The following MYBL2 variants were observed in gnomAD, a reference collection of about 807,000 sequenced individuals.
The protein encoded by MYBL2 is MYB proto-oncogene like 2.
MYBL2 carries 28 observed loss-of-function variants against 79.9 expected under a neutral mutation model. The observed-to-expected ratio is 0.35, with a 90% CI of 0.26 to 0.48. The LOEUF (loss-of-function observed/expected upper bound fraction) is 0.48, where lower values mean the gene tolerates loss of function less well. Ranked by LOEUF, MYBL2 falls within the 20% of genes least tolerant of loss-of-function variation. The pLI is 0.99. For synonymous variants in MYBL2, 378 were observed against 361.2 expected (o/e 1.05, Z -0.53); for missense variants, 735 against 893.9 (o/e 0.82, Z 2.27).
At chr20:43,671,740 GATT>G (rs1986863033) in intron 1 of MYBL2, among the ~76,000 whole-genome samples, 1 of 151,948 alleles carries the variant, frequency 6.6e-6, no homozygotes, top group Non-Finnish European at 1.5e-5. Flanking sequence ...AAAGTGCTGG[GATT>G]ACAGGTGTGA....
chr20:43,714,819 C>T (rs999144115), intron 12 of MYBL2, among the ~76,000 whole-genome samples: 1 of 152,112 alleles, frequency 6.6e-6, no homozygotes, highest in Non-Finnish European at 1.5e-5. Context: ...TTAGTAGAGA[C>T]GGGGTTTCAC....
chr20:43,700,020 T>G lies in MYBL2; in HGVS notation c.927T>G (p.Ser309=). ...LLIPAVGSSL[S]EALDLIESDP... ...TCCCTGCTGTGGGTTCTAGCCTCTC[T>G]GAAGCCCTGGACTTGATCGAGTCGG... Residue 309 remains serine (S), a synonymous_variant, in exon 7 of 14, where the codon TCT becomes TCG. Transcript: ENST00000217026. 2 of 1,614,002 alleles carry G rather than the reference T, an allele frequency of 1.2e-6. No individual in the cohort carries two copies. The highest frequency in any genetic ancestry group is 2.2e-5 in the South Asian group (2 of 91,080).
intron 2 of MYBL2, among the ~76,000 whole-genome samples, chr20:43,674,215 A>T (rs1490421868): frequency 7.8e-6 from 1 of 128,684 alleles, no homozygotes; most frequent in African/African-American, 2.9e-5. Flanking sequence ...GTTTGGCCAA[A>T]TCTGTAACTC....
At chr20:43,705,921 C>T (rs1000595578) in intron 9 of MYBL2, among the ~76,000 whole-genome samples, 24 of 150,062 alleles carry the variant, frequency 1.6e-4, no homozygotes, top group African/African-American at 4.4e-4. Flanking sequence ...AGGATGGTGT[C>T]GATCTCCTGA....
intron 4 of MYBL2, among the ~76,000 whole-genome samples, chr20:43,685,736 CAG>C (rs1286235162): frequency 1.3e-5 from 2 of 151,902 alleles, no homozygotes; most frequent in African/African-American, 2.4e-5. Flanking sequence ...GCCTGGGCGA[CAG>C]AGTGAGACAC....
intron 2 of MYBL2, 141 bp downstream of exon 2, chr20:43,674,040 C>T: frequency 4.0e-6 from 3 of 742,360 alleles, no homozygotes; most frequent in South Asian, 1.6e-5. Flanking sequence ...TGATTGTCCT[C>T]ATGCCTCTTC....
intron 1 of MYBL2, among the ~76,000 whole-genome samples, chr20:43,670,867 G>T (rs528124598): frequency 2.0e-5 from 3 of 151,996 alleles, no homozygotes; most frequent in African/African-American, 7.3e-5. Context: ...CCTGACCAAC[G>T]TGACCTGATG....
In MYBL2 at chr20:43,682,809, C is replaced by A. The variant is rs775778495; in HGVS notation, c.202C>A (p.Gln68Lys). 2 of 1,613,928 alleles carry A rather than the reference C, an allele frequency of 1.2e-6. No homozygotes were observed. Among genetic ancestry groups the A allele is most frequent in the Non-Finnish European group, 8.5e-7 (1 of 1,179,914 alleles). ...CTTTTCCCAGAACCGCACTGACCAG[C>A]AATGCCAGTACAGGTGGCTGAGAGT... ...ASHFPNRTDQ[Q>K]CQYRWLRVLN... Residue 68 changes from glutamine (Q) to lysine (K), a missense_variant, in exon 4 of 14, where the codon CAA (glutamine) becomes AAA (lysine). Coordinates refer to ENST00000217026, the MANE Select transcript of MYBL2 (RefSeq NM_002466.4).
chr20:43,703,867 G>C (rs1313838617), intron 8 of MYBL2, among the ~76,000 whole-genome samples: 1 of 152,136 alleles, frequency 6.6e-6, no homozygotes, highest in East Asian at 1.9e-4. Flanking sequence ...TTCTACTGAG[G>C]CCTCTCTCCT....
At chr20:43,686,319 G>C (rs1260643313) in intron 4 of MYBL2, among the ~76,000 whole-genome samples, 1 of 152,150 alleles carries the variant, frequency 6.6e-6, no homozygotes, top group Non-Finnish European at 1.5e-5. Context: ...ACTGAGGGCA[G>C]GTGGGGACTC....
intron 6 of MYBL2, among the ~76,000 whole-genome samples, chr20:43,695,686 CAAA>C (rs3091981): frequency 4.7e-5 from 7 of 150,254 alleles, no homozygotes; most frequent in South Asian, 2.1e-4. Flanking sequence ...ACTGTCTTTA[CAAA>C]AAAAAAAAAA....
At chr20:43,686,803 G>C in intron 4 of MYBL2, 49 bp from the exon 5 acceptor site, 3 of 1,573,388 alleles carry the variant, frequency 1.9e-6, no homozygotes, top group South Asian at 2.3e-5. Flanking sequence ...CTATGGTGGG[G>C]GCGAGAGAGG....
chr20:43,713,177 C>T (rs1987950734), intron 12 of MYBL2, 71 bp downstream of exon 12: 13 of 1,353,034 alleles, frequency 9.6e-6, no homozygotes, highest in Non-Finnish European at 1.2e-5. Context: ...TGTAGTGACT[C>T]TCCAACTGGG....
At chr20:43,715,807 C>T (rs1988018567) in intron 13 of MYBL2, 152 bp from the exon 14 acceptor site, 2 of 1,140,886 alleles carry the variant, frequency 1.8e-6, no homozygotes, top group Non-Finnish European at 2.5e-6. Context: ...GTGACTTGTC[C>T]AGGGTCACAG....
At chr20:43,667,401 TGG>T in intron 1 of MYBL2, 98 bp downstream of exon 1, 1 of 821,530 alleles carries the variant, frequency 1.2e-6, no homozygotes. Flanking sequence ...CCCACCAAGC[TGG>T]GGTGTGTGTG....
intron 6 of MYBL2, among the ~76,000 whole-genome samples, chr20:43,693,769 G>T (rs766220907): frequency 7.9e-5 from 12 of 152,026 alleles, no homozygotes; most frequent in Non-Finnish European, 1.6e-4. Context: ...TAAAAATTTG[G>T]GTAGGGCGTG....
chr20:43,711,469 G>GC lies in MYBL2; in HGVS notation c.1606-15dup, dbSNP rs748795472. 1 of 1,598,938 alleles carries GC rather than the reference G, an allele frequency of 6.3e-7. No individual in the cohort carries two copies. The highest frequency in any genetic ancestry group is 1.1e-5 in the South Asian group (1 of 89,550). On this transcript the variant is annotated intron_variant, in intron 10 of 13. Coordinates refer to ENST00000217026, the MANE Select transcript of MYBL2 (RefSeq NM_002466.4). ...CCGAGTGTGGTGCCTCACGTGGGCT[G>GC]CCCCGTGCCTACCCACAGCCACAGA...
chr20:43,691,480 C>A (rs1987406632), intron 5 of MYBL2, among the ~76,000 whole-genome samples: 1 of 151,770 alleles, frequency 6.6e-6, no homozygotes, highest in Non-Finnish European at 1.5e-5. Flanking sequence ...TGGCATCACG[C>A]CCAGCACCTC....
rs755393952 is a variant in MYBL2, at chr20:43,702,855, C to G, written c.1317C>G (p.Leu439=). ...SLSFLDSCNS[L]TPKSTPVKTL... is the part of the protein sequence containing the mutation. ...CCTTCCTGGATTCCTGTAACAGCCT[C>G]ACGCCCAAGAGCACACCTGTTAAGA... The change falls in exon 8 of 14, where the codon CTC becomes CTG. Residue 439 remains leucine (L), a synonymous_variant. Transcript: ENST00000217026. The G allele has an allele frequency of 6.2e-7, 1 of 1,612,148 alleles. No individual in the cohort carries two copies. The highest frequency in any genetic ancestry group is 2.2e-5 in the East Asian group (1 of 44,822).
Sources: allele counts gnomAD v4.1 joint callset (sites outside exome capture counted in the v4.1 genomes callset), GRCh38; gene constraint gnomAD v4.1.1; transcripts MANE v1.5; gene names NCBI Gene and HGNC (gene_info 2026-07-23, HGNC 2026-07-21).